The following TSHZ3 variants were observed in gnomAD, a reference collection of about 807,000 sequenced individuals.
The protein encoded by TSHZ3 is teashirt zinc finger homeobox 3, also known as teashirt homolog 3.
TSHZ3 carries 10 observed loss-of-function variants against 64.5 expected under a neutral mutation model. The ratio of observed to expected loss-of-function variants is 0.16; its 90% CI spans 0.10 to 0.26. The LOEUF (loss-of-function observed/expected upper bound fraction) is 0.26, where lower values mean the gene tolerates loss of function less well. TSHZ3 is among the 10% of genes least tolerant of loss of function. TSHZ3 has a pLI of 1.00. For synonymous variants in TSHZ3, 608 were observed against 593.1 expected, an observed-to-expected ratio of 1.03 and a Z score of -0.36; for missense variants, 1,242 against 1,421.7, an observed-to-expected ratio of 0.87 and a Z score of 2.03.
chr19:31,216,739 C>T (rs913118605), intron 4 of TSHZ3, among the ~76,000 whole-genome samples: 16 of 152,158 alleles, frequency 1.1e-4, no homozygotes, highest in Admixed American at 7.9e-4. Flanking sequence ...CGGGTTCATG[C>T]GATTCTCCTG....
intron 4 of TSHZ3, among the ~76,000 whole-genome samples, chr19:31,226,959 CTCTTTCTT>C (rs1174328128): frequency 3.5e-5 from 4 of 115,168 alleles, no homozygotes; most frequent in Non-Finnish European, 6.9e-5. Flanking sequence ...TCTTTTTCTT[CTCTTTCTT>C]TCTTTCTTTC....
At position 31,277,534 on chromosome 19, in the gene TSHZ3, C is replaced by T. The variant is rs778077324; in HGVS notation, c.2259G>A (p.Met753Ile). The T allele has an allele frequency of 5.1e-5, 81 of 1,601,224 alleles. No homozygotes were observed. Among genetic ancestry groups the T allele is most frequent in the Non-Finnish European group, 7.7e-6 (9 of 1,172,538 alleles). ...CAGCCTTCTCCGCCAGGCTGTTGCT[C>T]ATCTTGAAAAGCATGCTCATGGGGT... Reference protein sequence around the residue: ...ALDPMSMLFKMSNSLAEKAAV... With the variant: ...ALDPMSMLFKISNSLAEKAAV... The change falls in exon 2 of 2, where the codon ATG (methionine) becomes ATA (isoleucine). Residue 753 changes from methionine (M) to isoleucine (I), a missense_variant. Around this residue, in one of 4 missense-constraint regions of TSHZ3, gnomAD observed 550 missense variants for 545.1 expected, o/e 1.01. Transcript: ENST00000240587. This position sits in a 1 kb window ranked among gnomAD's most constrained non-coding sequence, Gnocchi z 4.5.
Position 31,207,219 on chromosome 19 carries a change from A to G in TSHZ3, n.687-2141T>C, listed in dbSNP as rs557385882. ...TTAAAGTACAAAAGTCTATTCCTGC[A>G]CCATTTAAATTACTTTACAATGCTG... On this transcript the variant is annotated intron_variant and non_coding_transcript_variant, in intron 4 of 6. Coordinates refer to the TSHZ3 transcript ENST00000651361. Among the ~76,000 whole-genome samples the G allele has an allele frequency of 5.8e-4, 88 of 152,336 alleles. No individual in the cohort carries two copies. The South Asian group carries it at 0.017, about 29-fold the overall frequency.
intron 1 of TSHZ3, among the ~76,000 whole-genome samples, chr19:31,337,212 C>T (rs1330179297): frequency 1.3e-5 from 2 of 151,942 alleles, no homozygotes; most frequent in Admixed American, 6.6e-5. Context: ...CCTAGCAACC[C>T]GGGTGTGATG....
At chr19:31,236,310 G>T (rs548799659) in intron 3 of TSHZ3, among the ~76,000 whole-genome samples, 2 of 152,134 alleles carry the variant, frequency 1.3e-5, no homozygotes, top group South Asian at 4.2e-4. Flanking sequence ...GTCATCTTTT[G>T]TCTTTTTGAC....
chr19:31,255,584 C>T (rs912488425), intron 1 of TSHZ3, among the ~76,000 whole-genome samples: 3 of 152,136 alleles, frequency 2.0e-5, no homozygotes, highest in Non-Finnish European at 4.4e-5. Flanking sequence ...AGCCACACCA[C>T]GGACACCTGT....
intron 3 of TSHZ3, among the ~76,000 whole-genome samples, chr19:31,239,793 G>C (rs1303974334): frequency 1.3e-5 from 2 of 152,044 alleles, no homozygotes; most frequent in East Asian, 3.9e-4. Flanking sequence ...ATGTTGTCTA[G>C]GTTTGTCTTG....
intron 4 of TSHZ3, among the ~76,000 whole-genome samples, chr19:31,222,612 C>T (rs1478420666): frequency 6.6e-6 from 1 of 152,222 alleles, no homozygotes; most frequent in African/African-American, 2.4e-5. Flanking sequence ...GTTTCTCCCT[C>T]TGGACTGGAG....
intron 1 of TSHZ3, among the ~76,000 whole-genome samples, chr19:31,269,652 A>G (rs1023099578): frequency 2.0e-5 from 3 of 152,200 alleles, no homozygotes; most frequent in African/African-American, 7.2e-5. Context: ...CTAACTCACA[A>G]TTATGACGGT....
Position 31,249,898 on chromosome 19 carries a change from T to A in TSHZ3, n.64-7023A>T, listed in dbSNP as rs145260725. ...GTCCTGGAAGACACTCCGTGGTCAATAACTAGCAGCAATGACTCTGATTAT... is the reference window on the plus strand; with the variant it reads ...GTCCTGGAAGACACTCCGTGGTCAAAAACTAGCAGCAATGACTCTGATTAT... On this transcript the variant is annotated intron_variant and non_coding_transcript_variant, in intron 1 of 6. Coordinates refer to the TSHZ3 transcript ENST00000651361. 6.1e-4 allele frequency among the ~76,000 whole-genome samples: 93 copies of A among 152,322 alleles called. 1 individual carries two copies. In the East Asian group the frequency reaches 0.017, roughly 28 times the overall value.
intron 5 of TSHZ3, among the ~76,000 whole-genome samples, chr19:31,199,177 A>T (rs760732742): frequency 1.4e-4 from 22 of 152,218 alleles, no homozygotes; most frequent in Non-Finnish European, 3.1e-4. Context: ...AAGCCGAGGC[A>T]GGCGGATCAC....
At chr19:31,340,670 TATC>T (rs1049131641) in intron 1 of TSHZ3, among the ~76,000 whole-genome samples, 2 of 152,268 alleles carry the variant, frequency 1.3e-5, no homozygotes, top group African/African-American at 2.4e-5. Context: ...TCAGACCTTT[TATC>T]ATCATCACCA....
intron 5 of TSHZ3, among the ~76,000 whole-genome samples, chr19:31,187,585 G>T (rs1316593700): frequency 6.6e-6 from 1 of 151,896 alleles, no homozygotes; most frequent in Non-Finnish European, 1.5e-5. Flanking sequence ...TTACACTTAG[G>T]TCTATAATCT....
At chr19:31,221,234 A>G (rs1042104599) in intron 4 of TSHZ3, among the ~76,000 whole-genome samples, 1 of 152,170 alleles carries the variant, frequency 6.6e-6, no homozygotes, top group Non-Finnish European at 1.5e-5. Context: ...CAAGAAAAGG[A>G]TGCTGAATTC....
At chr19:31,234,907 T>C (rs918533136) in intron 3 of TSHZ3, among the ~76,000 whole-genome samples, 6 of 152,238 alleles carry the variant, frequency 3.9e-5, no homozygotes, top group Non-Finnish European at 7.3e-5. Flanking sequence ...CCTATATTTT[T>C]GGAAAAAGTC....
chr19:31,152,743 C>G (rs1388469642), intron 6 of TSHZ3, among the ~76,000 whole-genome samples: 2 of 152,146 alleles, frequency 1.3e-5, no homozygotes, highest in Non-Finnish European at 1.5e-5. Flanking sequence ...CTGATCCTAA[C>G]TTCCTCTGTG....
chr19:31,208,058 A>G (rs980660530), intron 4 of TSHZ3, among the ~76,000 whole-genome samples: 44 of 152,210 alleles, frequency 2.9e-4, no homozygotes, highest in Admixed American at 2.8e-3. Context: ...CCTTAGCACC[A>G]AGCACAGAGC....
chr19:31,171,622 A>AC (rs1041308262), intron 5 of TSHZ3, among the ~76,000 whole-genome samples: 1 of 151,544 alleles, frequency 6.6e-6, no homozygotes, highest in African/African-American at 2.4e-5. Context: ...AAAAAAAAAA[A>AC]CCCATAAACC....
intron 1 of TSHZ3, 170 bp downstream of exon 1, chr19:31,349,010 G>A (rs2021610410): frequency 6.3e-6 from 5 of 798,460 alleles, no homozygotes; most frequent in Non-Finnish European, 9.2e-6. Flanking sequence ...GCGTCCGGGG[G>A]GCGCCCGGTA....
Sources: gnomAD v4.1 joint callset for allele counts (sites outside exome capture counted in the v4.1 genomes callset) on GRCh38, gnomAD v4.1.1 for gene constraint, gnomAD v4.1.1 regional missense constraint, Gnocchi (gnomAD v3.1) non-coding constraint, MANE v1.5 for transcripts, NCBI Gene and HGNC (gene_info 2026-07-23, HGNC 2026-07-21) for gene names.